RBFOX1: variants seen among roughly 807,000 people sequenced by gnomAD.
The protein encoded by RBFOX1 is RNA binding fox-1 homolog 1.
Under a neutral mutation model 57.7 loss-of-function variants are expected in RBFOX1, and 8 were observed. The observed-to-expected ratio is 0.14, with a 90% confidence interval of 0.08 to 0.25. RBFOX1 has a LOEUF of 0.25. RBFOX1 is among the 10% of genes least tolerant of loss of function. The pLI, the probability that RBFOX1 is intolerant of heterozygous loss-of-function variation, is 1.00. For missense variants in RBFOX1, 611 were observed against 548.5 expected (o/e 1.11, Z -1.14); for synonymous variants, 326 against 222.4 (o/e 1.47, Z -4.15).
At chr16:6,588,821 TC>T (rs1375947803) in intron 2 of RBFOX1, among the ~76,000 whole-genome samples, 1 of 152,234 alleles carries the variant, frequency 6.6e-6, no homozygotes, top group Non-Finnish European at 1.5e-5. Flanking sequence ...TGGAGAGTGC[TC>T]CCCAGGCCAT....
chr16:7,587,139 T>C (rs1024349173), intron 6 of RBFOX1, 108 bp from the exon 7 acceptor site: 17 of 1,250,046 alleles, frequency 1.4e-5, no homozygotes, highest in Non-Finnish European at 1.4e-5. Flanking sequence ...ATGTGTATCC[T>C]TGGTATTAAA....
intron 4 of RBFOX1, among the ~76,000 whole-genome samples, chr16:7,094,388 A>G (rs934672862): frequency 1.4e-5 from 2 of 143,486 alleles, no homozygotes; most frequent in Non-Finnish European, 3.2e-5. Flanking sequence ...ATCCGAAGAC[A>G]TTCCAGGTGA....
At chr16:6,135,023 G>A (rs1225022622) in intron 1 of RBFOX1, among the ~76,000 whole-genome samples, 1 of 151,998 alleles carries the variant, frequency 6.6e-6, no homozygotes, top group Non-Finnish European at 1.5e-5. Context: ...AGGCCCCGGT[G>A]TATGATGTTC....
In RBFOX1 at chr16:7,653,907, A is replaced by C; in HGVS notation, c.850A>C (p.Arg284=). 2 of 1,581,706 alleles carry C rather than the reference A, an allele frequency of 1.3e-6. No individual in the cohort carries two copies. The highest frequency in any genetic ancestry group is 1.7e-6 in the Non-Finnish European group (2 of 1,169,716). The change falls in exon 12 of 16, where the codon AGG becomes CGG. Residue 284 remains arginine, a synonymous_variant. Transcript: ENST00000550418. ...CGGTCGCACCGTGTACAACACCTTC[A>C]GGGCCGCGGCGCCCCCGCCCCCGAT... ...GRGRTVYNTF[R]AAAPPPPIPA...
At chr16:6,881,253 T>G (rs1278435112) in intron 3 of RBFOX1, among the ~76,000 whole-genome samples, 2 of 152,164 alleles carry the variant, frequency 1.3e-5, no homozygotes, top group Non-Finnish European at 2.9e-5. Context: ...TTCCCAAGAT[T>G]GGACCTAGGT....
chr16:6,940,174 A>C (rs1281715683), intron 3 of RBFOX1, among the ~76,000 whole-genome samples: 1 of 151,408 alleles, frequency 6.6e-6, no homozygotes, highest in Non-Finnish European at 1.5e-5. Context: ...TCTGGGCAAC[A>C]GAGTGAGACT....
chr16:6,025,103 G>C (rs1333466236), intron 1 of RBFOX1, among the ~76,000 whole-genome samples: 1 of 152,174 alleles, frequency 6.6e-6, no homozygotes, highest in Non-Finnish European at 1.5e-5. Flanking sequence ...AGAGATACCA[G>C]GATATATTTA....
intron 11 of RBFOX1, among the ~76,000 whole-genome samples, chr16:7,637,052 T>C (rs778318037): frequency 6.6e-6 from 1 of 152,174 alleles, no homozygotes; most frequent in Non-Finnish European, 1.5e-5. Flanking sequence ...AGCCCCTTGA[T>C]ACAGGGATGT....
intron 3 of RBFOX1, among the ~76,000 whole-genome samples, chr16:6,858,161 G>C (rs1164420016): frequency 6.6e-6 from 1 of 152,142 alleles, no homozygotes; most frequent in Admixed American, 6.5e-5. Flanking sequence ...TTTAATATTT[G>C]AAGGAAGAAA....
intron 4 of RBFOX1, among the ~76,000 whole-genome samples, chr16:7,479,717 G>C (rs189839222): frequency 7.2e-5 from 11 of 152,116 alleles, no homozygotes; most frequent in East Asian, 1.9e-4. Flanking sequence ...GCACCTGGAG[G>C]GGGGGCAGGT....
chr16:6,624,460 C>G (rs1386789296), intron 2 of RBFOX1, among the ~76,000 whole-genome samples: 1 of 152,100 alleles, frequency 6.6e-6, no homozygotes, highest in African/African-American at 2.4e-5. Context: ...TCAACCACAG[C>G]CCTTCTGAAT....
At chr16:6,615,863 C>G (rs1031676917) in intron 2 of RBFOX1, among the ~76,000 whole-genome samples, 4 of 152,180 alleles carry the variant, frequency 2.6e-5, no homozygotes, top group Non-Finnish European at 4.4e-5. Flanking sequence ...CGTGGAACTG[C>G]GTTTCCTTGC....
intron 2 of RBFOX1, among the ~76,000 whole-genome samples, chr16:6,411,987 C>A (rs1299784367): frequency 6.6e-6 from 1 of 152,060 alleles, no homozygotes; most frequent in African/African-American, 2.4e-5. Context: ...CAAAAATTAG[C>A]TGGGTGTAGT....
chr16:6,431,911 TTC>T (rs2094106915), intron 2 of RBFOX1, among the ~76,000 whole-genome samples: 1 of 134,620 alleles, frequency 7.4e-6, no homozygotes, highest in Non-Finnish European at 1.6e-5. Context: ...CTTTCTTTCT[TTC>T]TTTCTTTCTT....
chr16:6,194,515 G>A (rs763721412), intron 1 of RBFOX1, among the ~76,000 whole-genome samples: 53 of 152,120 alleles, frequency 3.5e-4, no homozygotes, highest in Middle Eastern at 3.2e-3. Flanking sequence ...TGCACGTAAT[G>A]AGCCTGTACT....
At chr16:7,667,767 C>T (rs931031991) in intron 13 of RBFOX1, among the ~76,000 whole-genome samples, 11 of 152,004 alleles carry the variant, frequency 7.2e-5, no homozygotes, top group African/African-American at 2.7e-4. Context: ...AACCTCTGCC[C>T]CCTGGAAGCA....
chr16:6,788,617 A>T (rs2082371305), intron 3 of RBFOX1, among the ~76,000 whole-genome samples: 1 of 151,946 alleles, frequency 6.6e-6, no homozygotes, highest in Admixed American at 6.6e-5. Context: ...CTGGAACTAC[A>T]GGTGCCTACG....
chr16:7,134,871 T>C (rs560497441), intron 4 of RBFOX1, among the ~76,000 whole-genome samples: 1 of 152,118 alleles, frequency 6.6e-6, no homozygotes, highest in East Asian at 1.9e-4. Flanking sequence ...GTGGACCTGT[T>C]AAATCACTGT....
intron 4 of RBFOX1, among the ~76,000 whole-genome samples, chr16:7,324,087 A>C (rs1023756552): frequency 7.2e-5 from 11 of 152,112 alleles, no homozygotes; most frequent in Non-Finnish European, 8.8e-5. Flanking sequence ...GCTAATAGTC[A>C]TCATGAATTC....
Sources: allele counts gnomAD v4.1 joint callset (sites outside exome capture counted in the v4.1 genomes callset), GRCh38; gene constraint gnomAD v4.1.1; transcripts MANE v1.5; gene names NCBI Gene and HGNC (gene_info 2026-07-23, HGNC 2026-07-21).